ZFR: variants seen among roughly 807,000 people sequenced by gnomAD.
ZFR encodes zinc finger RNA-binding protein.
In ZFR, 19 loss-of-function variants were observed where a neutral mutation model predicts 130.7. That is an observed-to-expected ratio of 0.15 (90% CI 0.10 to 0.21). ZFR has a LOEUF of 0.21. ZFR is among the 10% of genes least tolerant of loss of function. The pLI is 1.00. For synonymous variants in ZFR, 466 were observed against 456.9 expected (o/e 1.02, Z -0.25); for missense variants, 872 against 1,321.5 (o/e 0.66, Z 5.27).
intron 17 of ZFR, among the ~76,000 whole-genome samples, chr5:32,370,347 GAGAGAGAC>G (rs1752642657): frequency 9.8e-3 from 13 of 1,324 alleles, no homozygotes; most frequent in African/African-American, 0.064. Flanking sequence ...GAGAGAGAGA[GAGAGAGAC>G]AGACAGACAG....
At chr5:32,409,537 CT>C (rs1246382401) in intron 5 of ZFR, among the ~76,000 whole-genome samples, 1 of 151,808 alleles carries the variant, frequency 6.6e-6, no homozygotes, top group African/African-American at 2.4e-5. Flanking sequence ...TCCCAAGTAG[CT>C]GGGATTACAG....
At chr5:32,391,866 T>C (rs1244147322) in intron 11 of ZFR, among the ~76,000 whole-genome samples, 3 of 151,956 alleles carry the variant, frequency 2.0e-5, no homozygotes, top group Admixed American at 1.3e-4. Flanking sequence ...CCCAAGCAGA[T>C]GGGAATACAG....
At chr5:32,359,153 C>G (rs1413043690) in intron 19 of ZFR, among the ~76,000 whole-genome samples, 2 of 152,010 alleles carry the variant, frequency 1.3e-5, no homozygotes, top group African/African-American at 4.8e-5. Context: ...CACTGCACTC[C>G]AGCCTGTGTG....
chr5:32,420,831 G>A (rs991064844), intron 2 of ZFR, among the ~76,000 whole-genome samples: 2 of 152,184 alleles, frequency 1.3e-5, no homozygotes, highest in Non-Finnish European at 2.9e-5. Context: ...GGGTTGAGAA[G>A]TTCTGTTCCA....
chr5:32,391,362 G>T (rs1753170880), intron 11 of ZFR, among the ~76,000 whole-genome samples: 1 of 152,164 alleles, frequency 6.6e-6, no homozygotes, highest in African/African-American at 2.4e-5. Context: ...TACTGCACAG[G>T]CTGTGTTGCT....
chr5:32,416,547 G>A (rs1753829902), intron 4 of ZFR, among the ~76,000 whole-genome samples: 1 of 151,506 alleles, frequency 6.6e-6, no homozygotes, highest in African/African-American at 2.4e-5. Context: ...CCAGGAGGTG[G>A]AGGTTGCGGT....
chr5:32,439,913 G>GCA (rs1561932272), intron 2 of ZFR, among the ~76,000 whole-genome samples: 1 of 146,352 alleles, frequency 6.8e-6, no homozygotes, highest in East Asian at 2.1e-4. Flanking sequence ...TTTTATAAAT[G>GCA]TATATGCCAC....
intron 2 of ZFR, among the ~76,000 whole-genome samples, chr5:32,433,505 C>T (rs534985279): frequency 1.3e-5 from 2 of 152,280 alleles, no homozygotes; most frequent in African/African-American, 4.8e-5. Flanking sequence ...TCTGGTTCAT[C>T]ATTACTTCTG....
At chr5:32,391,907 T>C (rs940846080) in intron 11 of ZFR, among the ~76,000 whole-genome samples, 14 of 152,082 alleles carry the variant, frequency 9.2e-5, no homozygotes, top group Non-Finnish European at 2.9e-5. Flanking sequence ...CTAATTTTCG[T>C]ATTTTTTGTA....
At chr5:32,416,695 G>C (rs1753834574) in intron 4 of ZFR, among the ~76,000 whole-genome samples, 1 of 151,578 alleles carries the variant, frequency 6.6e-6, no homozygotes, top group Non-Finnish European at 1.5e-5. Context: ...CACTTTTAAG[G>C]GACTCATAAA....
rs1294211068 is a variant in ZFR, at chr5:32,374,746, A to C, written c.2835+4369T>G. 5.3e-5 allele frequency among the ~76,000 whole-genome samples: 8 copies of C among 152,200 alleles called. No homozygotes were observed. In the East Asian group the frequency reaches 1.5e-3, roughly 29 times the overall value. ...AAGCAAAAAAAAATCCTAAAATAGC[A>C]TAACTCTATTGAATGGGTTGATTTT... On this transcript the variant is annotated intron_variant, in intron 17 of 19. Transcript: ENST00000265069.
chr5:32,430,058 T>C (rs1313930275), intron 2 of ZFR, among the ~76,000 whole-genome samples: 1 of 118,370 alleles, frequency 8.4e-6, no homozygotes, highest in Non-Finnish European at 1.6e-5. Context: ...GTAGCCTGGG[T>C]GACAGAGTGA....
chr5:32,405,303 T>C (rs1450417710), intron 6 of ZFR, among the ~76,000 whole-genome samples: 1 of 152,212 alleles, frequency 6.6e-6, no homozygotes, highest in Non-Finnish European at 1.5e-5. Flanking sequence ...GAGCCAGGAC[T>C]GCAATCTTGG....
chr5:32,394,193 G>A (rs1037961314), intron 11 of ZFR, among the ~76,000 whole-genome samples: 10 of 152,148 alleles, frequency 6.6e-5, no homozygotes, highest in Non-Finnish European at 1.5e-4. Context: ...GTCAAAATGT[G>A]GAAACAAGTT....
At chr5:32,381,401 TG>T (rs1752934560) in intron 15 of ZFR, among the ~76,000 whole-genome samples, 1 of 152,280 alleles carries the variant, frequency 6.6e-6, no homozygotes, top group South Asian at 2.1e-4. Flanking sequence ...CAGCTCTCAG[TG>T]ATTTAAATAG....
intron 15 of ZFR, among the ~76,000 whole-genome samples, chr5:32,381,459 T>C (rs1752935703): frequency 6.6e-6 from 1 of 152,098 alleles, no homozygotes; most frequent in Non-Finnish European, 1.5e-5. Context: ...CTATTAAATA[T>C]AATAGTCCTT....
chr5:32,363,884 T>G, intron 19 of ZFR, 64 bp downstream of exon 19: 1 of 1,346,164 alleles, frequency 7.4e-7, no homozygotes, highest in Non-Finnish European at 1.0e-6. Context: ...CTTAAGACAA[T>G]AACAGAAAAA....
chr5:32,385,125 G>A (rs1453384981), intron 15 of ZFR, among the ~76,000 whole-genome samples: 1 of 152,050 alleles, frequency 6.6e-6, no homozygotes, highest in Non-Finnish European at 1.5e-5. Context: ...TGTAAGACAA[G>A]GCAAGAGCAA....
intron 17 of ZFR, among the ~76,000 whole-genome samples, chr5:32,375,270 T>C (rs1309951598): frequency 2.0e-5 from 3 of 152,188 alleles, no homozygotes; most frequent in Admixed American, 2.0e-4. Flanking sequence ...GATTCAAAAA[T>C]TACTTAAACT....
Sources: allele counts gnomAD v4.1 joint callset (sites outside exome capture counted in the v4.1 genomes callset), GRCh38; gene constraint gnomAD v4.1.1; transcripts MANE v1.5; gene names NCBI Gene and HGNC (gene_info 2026-07-23, HGNC 2026-07-21).